UIMC1: variants seen among roughly 807,000 people sequenced by gnomAD.
The protein encoded by UIMC1 is ubiquitin interaction motif containing 1, also known as BRCA1-A complex subunit RAP80.
In UIMC1, 42 loss-of-function variants were observed where a neutral mutation model predicts 84.9. The ratio of observed to expected loss-of-function variants is 0.49; its 90% CI spans 0.39 to 0.64. UIMC1 has a LOEUF of 0.64. UIMC1 is among the 30% of genes least tolerant of loss of function. The pLI is 0.00. For synonymous variants in UIMC1, 281 were observed against 293.0 expected (o/e 0.96, Z 0.42); for missense variants, 825 against 847.6 (o/e 0.97, Z 0.33).
At chr5:176,983,246 C>G (rs1771324263) in intron 1 of UIMC1, among the ~76,000 whole-genome samples, 1 of 152,044 alleles carries the variant, frequency 6.6e-6, no homozygotes, top group Non-Finnish European at 1.5e-5. Context: ...TCCCCCTCCC[C>G]CTCCTCCTCT....
chr5:176,976,745 G>T (rs2149493844), intron 2 of UIMC1, among the ~76,000 whole-genome samples: 1 of 152,378 alleles, frequency 6.6e-6, no homozygotes, highest in Admixed American at 6.5e-5. Context: ...ATAGAAAGTA[G>T]ATCAGTGGTT....
chr5:176,991,615 A>G (rs1484261878), intron 1 of UIMC1, among the ~76,000 whole-genome samples: 2 of 126,916 alleles, frequency 1.6e-5, no homozygotes, highest in Non-Finnish European at 3.2e-5. Context: ...GGGCAACAAG[A>G]GTGAAACTCC....
In UIMC1 at chr5:176,981,332, G is replaced by T. The variant is rs546682898; in HGVS notation, c.147+1137C>A. ...GCTAATTTTTTGTATTTTTAGTAGA[G>T]ATGGGATTTCACTGTGGTAACCAGG... On this transcript the variant is annotated intron_variant, in intron 2 of 14. Coordinates refer to ENST00000511320, the MANE Select transcript of UIMC1 (RefSeq NM_001199298.2). 5.9e-4 allele frequency among the ~76,000 whole-genome samples: 90 copies of T among 152,080 alleles called. 1 individual carries two copies. The highest frequency in any genetic ancestry group is 2.0e-3 in the African/African-American group (85 of 41,502).
intron 1 of UIMC1, among the ~76,000 whole-genome samples, chr5:176,995,629 G>C (rs1773496051): frequency 6.6e-6 from 1 of 150,990 alleles, no homozygotes; most frequent in Non-Finnish European, 1.5e-5. Flanking sequence ...GGATCACGAG[G>C]TGAAAAGATC....
chr5:176,991,887 G>T (rs1414406799), intron 1 of UIMC1, among the ~76,000 whole-genome samples: 6 of 152,040 alleles, frequency 3.9e-5, no homozygotes, highest in Non-Finnish European at 7.3e-5. Context: ...AGCCGAGATT[G>T]TGTCACTGCA....
In UIMC1 at chr5:176,933,577, C is replaced by A. The variant is rs564571129; in HGVS notation, c.1597+9758G>T. Among the ~76,000 whole-genome samples, 151 of 151,402 alleles carry A rather than the reference C, an allele frequency of 1.0e-3. 1 individual carries two copies. The highest frequency in any genetic ancestry group is 3.0e-3 in the African/African-American group (125 of 41,186). ...ACAGGGTCTTGCTCAGTCACTCAGG[C>A]TGGAGTGGAGTGGTGCAATCACAAT... is the stretch of plus-strand genomic sequence containing the variant. On this transcript the variant is annotated intron_variant, in intron 10 of 14. Transcript: ENST00000511320.
chr5:176,958,157 G>A lies in UIMC1; in HGVS notation c.1201-3C>T, dbSNP rs1293983715. 4.3e-6 allele frequency: 7 copies of A among 1,612,644 alleles called. No homozygotes were observed. Among genetic ancestry groups the A allele is most frequent in the Non-Finnish European group, 5.9e-6 (7 of 1,179,060 alleles). ...TCTTCAACAATCCCTTGGGAAGACT[G>A]CAAAGAAATACGTAGTATCTTAAAT... On this transcript the variant is annotated splice_polypyrimidine_tract_variant and splice_region_variant and intron_variant, in intron 6 of 14. Transcript: ENST00000511320.
intron 1 of UIMC1, among the ~76,000 whole-genome samples, chr5:176,995,493 T>C (rs1387679522): frequency 2.5e-5 from 3 of 119,334 alleles, no homozygotes; most frequent in Non-Finnish European, 4.8e-5. Flanking sequence ...GCCGAGACCA[T>C]ACCACTGCAC....
rs564037828 is a variant in UIMC1, at chr5:176,928,779, G to A, written c.1597+14556C>T. Among the ~76,000 whole-genome samples, 93 of 151,976 alleles carry A rather than the reference G, an allele frequency of 6.1e-4. 1 individual carries two copies. Among genetic ancestry groups the A allele is most frequent in the African/African-American group, 2.1e-3 (86 of 41,448 alleles). ...ATCCTGGCTAACATGGTGAAACCCCGTCTCTACTAAAAATACAAAAAATTA... is the reference window on the plus strand; with the variant it reads ...ATCCTGGCTAACATGGTGAAACCCCATCTCTACTAAAAATACAAAAAATTA... On this transcript the variant is annotated intron_variant, in intron 10 of 14. Transcript: ENST00000511320.
chr5:176,941,329 C>CA (rs2149439773), intron 10 of UIMC1, among the ~76,000 whole-genome samples: 1 of 152,188 alleles, frequency 6.6e-6, no homozygotes, highest in Non-Finnish European at 1.5e-5. Context: ...ATAAAAAAGA[C>CA]AAGTTGCAGA....
intron 1 of UIMC1, among the ~76,000 whole-genome samples, chr5:177,006,051 C>A (rs1775214383): frequency 6.6e-6 from 1 of 152,216 alleles, no homozygotes; most frequent in Admixed American, 6.5e-5. Context: ...GAGGATCACA[C>A]AACAAAACAG....
At chr5:177,022,526 T>C in exon 1 of UIMC1, 5 of 533,110 alleles carry the variant, frequency 9.4e-6, no homozygotes, top group Non-Finnish European at 1.6e-5. Flanking sequence ...GGGGGGTCAC[T>C]GCTGCGGAAT....
At chr5:176,967,681 TG>T (rs1768504903) in intron 6 of UIMC1, among the ~76,000 whole-genome samples, 2 of 152,278 alleles carry the variant, frequency 1.3e-5, no homozygotes, top group South Asian at 4.1e-4. Flanking sequence ...GGTAGGTGGA[TG>T]GCTTGAGTAC....
chr5:177,020,381 T>C (rs923597625), intron 1 of UIMC1, among the ~76,000 whole-genome samples: 1 of 152,224 alleles, frequency 6.6e-6, no homozygotes, highest in Non-Finnish European at 1.5e-5. Flanking sequence ...TAACACATCA[T>C]TCACCTGAGA....
intron 5 of UIMC1, 73 bp from the exon 6 acceptor site, chr5:176,969,364 A>G (rs1768849455): frequency 6.6e-7 from 1 of 1,516,904 alleles, no homozygotes; most frequent in South Asian, 1.3e-5. Context: ...GTTATCACTT[A>G]CCAAGAATTA....
In UIMC1 at chr5:176,987,515, T is replaced by C. The variant is rs1451991414; in HGVS notation, c.-8-4892A>G. Among the ~76,000 whole-genome samples, 4 of 151,950 alleles carry C rather than the reference T, an allele frequency of 2.6e-5. No homozygotes were observed. The East Asian group carries it at 5.8e-4, about 22-fold the overall frequency. ...TAAAAATAAAAAAACTAGCCAGGCA[T>C]GGTGGTGCACACAGGTAGTCCCAGC... On this transcript the variant is annotated intron_variant, in intron 1 of 14. Coordinates refer to ENST00000511320, the MANE Select transcript of UIMC1 (RefSeq NM_001199298.2).
Position 176,969,025 on chromosome 5 carries a change from GA to G in UIMC1, c.729del (p.Leu244SerfsTer18). 6.2e-7 allele frequency: 1 copy of G among 1,614,232 alleles called. No individual in the cohort carries two copies. Among genetic ancestry groups the G allele is most frequent in the Non-Finnish European group, 8.5e-7 (1 of 1,180,040 alleles). On this transcript the variant is annotated frameshift_variant, in exon 6 of 15. Coordinates refer to ENST00000511320, the MANE Select transcript of UIMC1 (RefSeq NM_001199298.2). LOFTEE classifies it high-confidence loss of function. ...PQESTGRGSA[F>X]LKAVQGSGDT... ...TCCCCGCTACCCTGGACAGCTTTGA[GA>G]AAAGCAGAACCCCTCCCAGTACTTT...
At chr5:176,923,693 G>T (rs979765445) in intron 10 of UIMC1, among the ~76,000 whole-genome samples, 1 of 151,002 alleles carries the variant, frequency 6.6e-6, no homozygotes, top group South Asian at 2.1e-4. Flanking sequence ...GTAAAACTCT[G>T]TCTCTACTAA....
At chr5:176,945,112 A>G (rs1377296608) in intron 9 of UIMC1, among the ~76,000 whole-genome samples, 1 of 152,212 alleles carries the variant, frequency 6.6e-6, no homozygotes, top group South Asian at 2.1e-4. Context: ...GCCTCTTCCC[A>G]TTCCACCTTG....
Sources: allele counts gnomAD v4.1 joint callset (sites outside exome capture counted in the v4.1 genomes callset), GRCh38; gene constraint gnomAD v4.1.1; transcripts MANE v1.5; gene names NCBI Gene and HGNC (gene_info 2026-07-23, HGNC 2026-07-21).